POM121: variants seen among roughly 807,000 people sequenced by gnomAD.
POM121 encodes nuclear envelope pore membrane protein POM 121.
A neutral mutation model predicts 81.3 loss-of-function variants in POM121; 32 were observed. That is an observed-to-expected ratio of 0.39 (90% CI 0.30 to 0.53). POM121 has a LOEUF of 0.53. Among genes scored for constraint, POM121 ranks in the 20% least tolerant of loss-of-function variants. POM121 has a pLI of 0.66. For synonymous variants in POM121, 514 were observed against 694.2 expected, an observed-to-expected ratio of 0.74 and a Z score of 4.08; for missense variants, 1,138 against 1,614.6, an observed-to-expected ratio of 0.70 and a Z score of 5.06.
At chr7:72,949,347 G>A (rs570929818), downstream of POM121, 1 of 806,742 alleles carries the variant, frequency 1.2e-6, no homozygotes, top group Non-Finnish European at 2.3e-6. Context: ...GCAGGACATA[G>A]TGGACCTCAC....
intron 1 of POM121, among the ~76,000 whole-genome samples, chr7:72,881,274 G>A (rs1206652796): frequency 1.3e-5 from 2 of 150,456 alleles, no homozygotes; most frequent in Non-Finnish European, 3.0e-5. Flanking sequence ...TTGCCATGTT[G>A]GCCCAGGCAG....
At chr7:72,897,532 A>G (rs1224657473) in intron 3 of POM121, among the ~76,000 whole-genome samples, 3 of 152,186 alleles carry the variant, frequency 2.0e-5, no homozygotes, top group Non-Finnish European at 2.9e-5. Context: ...TTGCAGGTTG[A>G]ACAGAGGACT....
chr7:72,928,249 TAAAC>T, intron 3 of POM121, 132 bp from the exon 4 acceptor site: 2 of 1,299,666 alleles, frequency 1.5e-6, no homozygotes, highest in Non-Finnish European at 2.1e-6. Flanking sequence ...TTAGGGATTT[TAAAC>T]AACCATTTTC....
chr7:72,931,603 T>C (rs1796028396), intron 5 of POM121, among the ~76,000 whole-genome samples: 1 of 151,382 alleles, frequency 6.6e-6, no homozygotes, highest in Non-Finnish European at 1.5e-5. Flanking sequence ...GGAGTCTTAC[T>C]CTTGTCGCCC....
downstream of POM121, chr7:72,949,365 C>T (rs782653929): frequency 3.6e-6 from 3 of 836,054 alleles, no homozygotes; most frequent in South Asian, 2.6e-5. Context: ...CACGATAGCG[C>T]GGATCTAAGG....
chr7:72,925,864 A>G, intron 1 of POM121, 99 bp downstream of exon 1: 1 of 1,253,270 alleles, frequency 8.0e-7, no homozygotes, highest in Non-Finnish European at 1.0e-6. Flanking sequence ...TCAAGTCCCA[A>G]GGGGATTGTG....
At chr7:72,945,459 G>A (rs1158232496) in intron 11 of POM121, 127 bp from the exon 12 acceptor site, 7 of 970,218 alleles carry the variant, frequency 7.2e-6, no homozygotes, top group African/African-American at 1.7e-5. Flanking sequence ...ATGGAGGAGT[G>A]CCCCAGAAGC....
chr7:72,887,814 C>T (rs1417720637), intron 1 of POM121, among the ~76,000 whole-genome samples: 7 of 152,020 alleles, frequency 4.6e-5, no homozygotes, highest in East Asian at 3.8e-4. Context: ...AAGACAAGAG[C>T]GAGACTTCAT....
intron 4 of POM121, among the ~76,000 whole-genome samples, chr7:72,916,804 A>G (rs1794331162): frequency 6.6e-6 from 1 of 152,202 alleles, no homozygotes; most frequent in Non-Finnish European, 1.5e-5. Flanking sequence ...TGAGCATGGA[A>G]TGTGTTTCCA....
chr7:72,944,176 T>G (rs1797424336), intron 11 of POM121, among the ~76,000 whole-genome samples: 2 of 151,928 alleles, frequency 1.3e-5, no homozygotes, highest in South Asian at 2.1e-4. Flanking sequence ...AAGACAAGCA[T>G]GGCAGGAGGG....
At chr7:72,927,475 C>T (rs1554497787) in intron 3 of POM121, among the ~76,000 whole-genome samples, 2 of 152,098 alleles carry the variant, frequency 1.3e-5, no homozygotes, top group Non-Finnish European at 1.5e-5. Context: ...TTTGAGAGGC[C>T]GACACGGGTG....
chr7:72,882,263 G>A (rs1375775185), intron 1 of POM121, among the ~76,000 whole-genome samples: 1 of 152,186 alleles, frequency 6.6e-6, no homozygotes, highest in Non-Finnish European at 1.5e-5. Context: ...ACAGTCAGGT[G>A]AAAGGTGAAG....
downstream of POM121, chr7:72,949,496 G>A (rs781784682): frequency 4.2e-6 from 6 of 1,440,784 alleles, no homozygotes; most frequent in Non-Finnish European, 5.9e-6. Context: ...ATCTTCCTAG[G>A]GCAGAGGGCA....
chr7:72,948,910 T>G (rs548173592), downstream of POM121: 1 of 1,612,564 alleles, frequency 6.2e-7, no homozygotes, highest in Non-Finnish European at 8.5e-7. Context: ...GCCCGGGTTC[T>G]GCTGCAGCGC....
At position 72,943,029 on chromosome 7, in the gene POM121, G is replaced by C. The variant is rs782712602; in HGVS notation, c.3036G>C (p.Pro1012=). The change falls in exon 11 of 13, where the codon CCG becomes CCC. Residue 1012 remains proline, a synonymous_variant. Coordinates refer to ENST00000434423, the MANE Select transcript of POM121 (RefSeq NM_001387691.1). Reference sequence around the variant, plus strand: ...CTGCTGCACCCACACCTGCACCTCCGTCCATGATCAAGGTCGTGCCTGCGT... The same window carrying C: ...CTGCTGCACCCACACCTGCACCTCCCTCCATGATCAAGGTCGTGCCTGCGT... The part of the protein sequence containing the change: ...APAAAPTPAP[P]SMIKVVPAYV... 12 of 1,613,868 alleles carry C rather than the reference G, an allele frequency of 7.4e-6. No homozygotes were observed. Among genetic ancestry groups the C allele is most frequent in the South Asian group, 1.1e-5 (1 of 91,078 alleles).
intron 1 of POM121, among the ~76,000 whole-genome samples, chr7:72,888,510 A>G (rs1344008887): frequency 3.3e-5 from 5 of 152,130 alleles, no homozygotes; most frequent in African/African-American, 1.2e-4. Context: ...GTGCCCAAGC[A>G]CTTTTACTTT....
chr7:72,902,979 C>G (rs1792851654), intron 3 of POM121, among the ~76,000 whole-genome samples: 1 of 152,138 alleles, frequency 6.6e-6, no homozygotes, highest in African/African-American at 2.4e-5. Flanking sequence ...CTAGTACTTT[C>G]AATGTCTGTG....
chr7:72,911,836 C>CCCAAACTCCCA (rs1554494315), intron 3 of POM121, among the ~76,000 whole-genome samples: 2 of 152,208 alleles, frequency 1.3e-5, no homozygotes, highest in African/African-American at 4.8e-5. Context: ...TAAAAGATAA[C>CCCAAACTCCCA]CCAAACTCCC....
intron 5 of POM121, among the ~76,000 whole-genome samples, chr7:72,937,302 GT>G (rs1796607813): frequency 6.6e-6 from 1 of 152,062 alleles, no homozygotes; most frequent in Admixed American, 6.6e-5. Context: ...TTGAGAACCA[GT>G]GAGGTAGTGT....
Sources: gnomAD v4.1 joint callset for allele counts (sites outside exome capture counted in the v4.1 genomes callset) on GRCh38, gnomAD v4.1.1 for gene constraint, MANE v1.5 for transcripts, NCBI Gene and HGNC (gene_info 2026-07-23, HGNC 2026-07-21) for gene names.